KCNMA1: variants seen among roughly 807,000 people sequenced by gnomAD.
KCNMA1 encodes the protein potassium calcium-activated channel subfamily M alpha 1, also known as Calcium-activated potassium channel subunit alpha-1.
In KCNMA1, 29 loss-of-function variants were observed where a neutral mutation model predicts 140.0. That is an observed-to-expected ratio of 0.21 (90% CI 0.15 to 0.28). The LOEUF (loss-of-function observed/expected upper bound fraction) is 0.28. KCNMA1 is among the 10% of genes least tolerant of loss of function. KCNMA1 has a pLI of 1.00. For missense variants in KCNMA1, 880 were observed against 1,602.2 expected (o/e 0.55, Z 7.70); for synonymous variants, 612 against 611.9 (o/e 1.00, Z 0.00).
intron 3 of KCNMA1, among the ~76,000 whole-genome samples, chr10:77,245,385 G>A (rs570042119): frequency 6.6e-6 from 1 of 152,304 alleles, no homozygotes; most frequent in South Asian, 2.1e-4. Context: ...TCATGAATGG[G>A]ATGGGATCTG....
intron 19 of KCNMA1, among the ~76,000 whole-genome samples, chr10:76,990,850 T>A (rs2082548041): frequency 6.6e-6 from 1 of 152,220 alleles, no homozygotes; most frequent in Admixed American, 6.5e-5. Flanking sequence ...GGTAAGGGAA[T>A]GCTTGGTGCA....
chr10:76,881,660 T>C (rs1252932400), downstream of KCNMA1, among the ~76,000 whole-genome samples: 3 of 152,150 alleles, frequency 2.0e-5, no homozygotes, highest in Admixed American at 6.5e-5. Context: ...CTGAGTACTA[T>C]CAGTACTAAA....
intron 23 of KCNMA1, among the ~76,000 whole-genome samples, chr10:76,918,753 GAA>G (rs949293843): frequency 3.7e-4 from 56 of 152,056 alleles, no homozygotes; most frequent in African/African-American, 1.4e-3. Context: ...CTACCCAGAG[GAA>G]AAGAAGTCAT....
At chr10:77,458,067 C>T (rs1324034955) in intron 1 of KCNMA1, among the ~76,000 whole-genome samples, 1 of 152,184 alleles carries the variant, frequency 6.6e-6, no homozygotes, top group Non-Finnish European at 1.5e-5. Context: ...GCTACTAAGT[C>T]CTCCCTGCCA....
At chr10:77,166,884 C>A (rs901122713) in intron 5 of KCNMA1, among the ~76,000 whole-genome samples, 4 of 152,114 alleles carry the variant, frequency 2.6e-5, no homozygotes, top group African/African-American at 9.7e-5. Flanking sequence ...TAATTTGATA[C>A]ATCCATATTG....
chr10:77,591,432 A>T (rs1361489734), intron 1 of KCNMA1, among the ~76,000 whole-genome samples: 2 of 152,198 alleles, frequency 1.3e-5, no homozygotes, highest in Non-Finnish European at 2.9e-5. Context: ...TTCTCTTAAC[A>T]TCTAGAGTAA....
chr10:77,024,328 C>T (rs1400529480), intron 16 of KCNMA1, among the ~76,000 whole-genome samples: 1 of 152,004 alleles, frequency 6.6e-6, no homozygotes, highest in Non-Finnish European at 1.5e-5. Context: ...TATTTATACA[C>T]ATGTACTCAA....
At chr10:76,952,290 G>T (rs2066564359) in intron 21 of KCNMA1, 4 of 971,956 alleles carry the variant, frequency 4.1e-6, no homozygotes, top group Non-Finnish European at 2.9e-6. Context: ...GGAGGCCAAG[G>T]TTGGCGGATC....
intron 2 of KCNMA1, among the ~76,000 whole-genome samples, chr10:77,299,795 T>C (rs1225319138): frequency 6.6e-6 from 1 of 152,150 alleles, no homozygotes; most frequent in Non-Finnish European, 1.5e-5. Context: ...CAAACTGGCA[T>C]GGGAAGTAGG....
intron 1 of KCNMA1, among the ~76,000 whole-genome samples, chr10:77,454,936 C>A (rs188567207): frequency 7.9e-5 from 12 of 152,270 alleles, no homozygotes; most frequent in African/African-American, 2.9e-4. Flanking sequence ...ATTGATCTTT[C>A]TGAGATGAGG....
Position 77,445,335 on chromosome 10 carries a change from C to T in KCNMA1, c.379-41312G>A, listed in dbSNP as rs377744605. ...TCCACCTCTGCATCGTCCATATTCTCTCTCTCTCTCTCTCACACGCACATA... is the reference window on the plus strand; with the variant it reads ...TCCACCTCTGCATCGTCCATATTCTTTCTCTCTCTCTCTCACACGCACATA... On this transcript the variant is annotated intron_variant, in intron 1 of 27. Transcript: ENST00000286628. Among the ~76,000 whole-genome samples the T allele has an allele frequency of 1.2e-3, 176 of 150,146 alleles. 2 individuals carry two copies. Among genetic ancestry groups the T allele is most frequent in the African/African-American group, 4.1e-3 (164 of 40,394 alleles).
At chr10:77,049,746 G>T (rs1009519411) in intron 14 of KCNMA1, among the ~76,000 whole-genome samples, 3 of 152,108 alleles carry the variant, frequency 2.0e-5, no homozygotes, top group South Asian at 2.1e-4. Context: ...TAGTGTTGGG[G>T]CATGAAATAA....
intron 9 of KCNMA1, among the ~76,000 whole-genome samples, chr10:77,107,132 C>A (rs1346004182): frequency 1.3e-5 from 2 of 152,172 alleles, no homozygotes; most frequent in African/African-American, 4.8e-5. Flanking sequence ...ACACGGCTGA[C>A]TGTCAAAAAG....
At chr10:76,949,894 C>T (rs2065614542) in intron 21 of KCNMA1, among the ~76,000 whole-genome samples, 1 of 152,102 alleles carries the variant, frequency 6.6e-6, no homozygotes, top group Non-Finnish European at 1.5e-5. Context: ...GTGGAACATG[C>T]TACCTAAAGC....
chr10:77,219,598 T>A (rs777519200), intron 3 of KCNMA1, among the ~76,000 whole-genome samples: 3 of 152,150 alleles, frequency 2.0e-5, no homozygotes, highest in Non-Finnish European at 4.4e-5. Flanking sequence ...ACCTCAAATG[T>A]CCTTTGTTGT....
At chr10:77,557,114 G>A (rs531286714) in intron 1 of KCNMA1, among the ~76,000 whole-genome samples, 2 of 152,340 alleles carry the variant, frequency 1.3e-5, no homozygotes, top group South Asian at 4.1e-4. Flanking sequence ...TTTCTGGAAG[G>A]TAGGAAGAAT....
At chr10:76,970,182 G>T in intron 19 of KCNMA1, 115 bp from the exon 20 acceptor site, 1 of 847,556 alleles carries the variant, frequency 1.2e-6, no homozygotes, top group Non-Finnish European at 2.0e-6. Context: ...GGAATTCATG[G>T]CTGTCTTTTA....
rs57838652 is a variant in KCNMA1, at chr10:77,522,178, A to AAAATAAATAAATAAATAAATAAAT, written c.378+115063_378+115086dup. Among the ~76,000 whole-genome samples the AAAATAAATAAATAAATAAATAAAT allele has an allele frequency of 7.1e-3, 1,010 of 142,874 alleles. 6 individuals carry two copies. Among genetic ancestry groups the AAAATAAATAAATAAATAAATAAAT allele is most frequent in the Middle Eastern group, 0.021 (6 of 290 alleles). The allele number at this position is 142,874 out of a possible 152,430, so 93.7% of individuals were successfully genotyped here. On this transcript the variant is annotated intron_variant, in intron 1 of 27. Coordinates refer to ENST00000286628, the MANE Select transcript of KCNMA1 (RefSeq NM_001161352.2). ...GGGTGACAGAGCAAGACTCCATCTC[A>AAAATAAATAAATAAATAAATAAAT]AAATAAATAAATAAATAAATAAATA...
At chr10:77,056,925 T>C (rs2095559945) in intron 14 of KCNMA1, among the ~76,000 whole-genome samples, 1 of 152,118 alleles carries the variant, frequency 6.6e-6, no homozygotes, top group Admixed American at 6.6e-5. Context: ...CAGGGTCCTC[T>C]GATACATCAG....
Sources: gnomAD v4.1 joint callset for allele counts (sites outside exome capture counted in the v4.1 genomes callset) on GRCh38, gnomAD v4.1.1 for gene constraint, MANE v1.5 for transcripts, NCBI Gene and HGNC (gene_info 2026-07-23, HGNC 2026-07-21) for gene names.